RBFOX1: variants seen among roughly 807,000 people sequenced by gnomAD.
RBFOX1 encodes RNA binding protein fox-1 homolog 1.
In RBFOX1, 8 loss-of-function variants were observed where a neutral mutation model predicts 57.7. That is an observed-to-expected ratio of 0.14 (90% CI 0.08 to 0.25). The LOEUF is 0.25. Among genes scored for constraint, RBFOX1 ranks in the 10% least tolerant of loss-of-function variants. The pLI is 1.00. For synonymous variants in RBFOX1, 326 were observed against 222.4 expected (o/e 1.47, Z -4.15); for missense variants, 611 against 548.5 (o/e 1.11, Z -1.14).
chr16:5,758,420 C>T (rs900832484), intron 3 of RBFOX1, among the ~76,000 whole-genome samples: 2 of 152,138 alleles, frequency 1.3e-5, no homozygotes, highest in Non-Finnish European at 2.9e-5. Context: ...ATCTCTTAGA[C>T]TGGGGGAGAA....
intron 2 of RBFOX1, among the ~76,000 whole-genome samples, chr16:5,489,636 A>G (rs763700326): frequency 3.3e-5 from 5 of 152,214 alleles, no homozygotes; most frequent in African/African-American, 1.2e-4. Flanking sequence ...TATTGTTGCT[A>G]TAATTATTAT....
At chr16:5,255,632 C>T (rs1269121123) in intron 1 of RBFOX1, among the ~76,000 whole-genome samples, 1 of 151,700 alleles carries the variant, frequency 6.6e-6, no homozygotes, top group East Asian at 2.0e-4. Context: ...ACTCAACCAT[C>T]CCTTCACCGA....
Position 6,980,064 on chromosome 16 carries a change from C to T in RBFOX1, c.-15-71993C>T, listed in dbSNP as rs116171552. Among the ~76,000 whole-genome samples, 280 of 152,268 alleles carry T rather than the reference C, an allele frequency of 1.8e-3. 2 individuals carry two copies. Among genetic ancestry groups the T allele is most frequent in the African/African-American group, 6.7e-3 (278 of 41,552 alleles). ...GGCTACAGAACTGGATATATAACCG[C>T]ATGGCACCTTGACCCTGGTGTTAGA... is the stretch of plus-strand genomic sequence containing the variant. On this transcript the variant is annotated intron_variant, in intron 3 of 15. Transcript: ENST00000550418.
At chr16:6,253,385 C>T (rs1037323469) in intron 1 of RBFOX1, among the ~76,000 whole-genome samples, 3 of 152,160 alleles carry the variant, frequency 2.0e-5, no homozygotes, top group African/African-American at 7.2e-5. Flanking sequence ...TGCATGAACT[C>T]CTGGGGAACT....
At position 7,434,986 on chromosome 16, in the gene RBFOX1, T is replaced by A. The variant is rs191338469; in HGVS notation, c.28-83161T>A. ...AACTGTTGACCTTCAGTGATCCGCC[T>A]GCCTTGGCCTCCCAAAGTGCTGTCT... On this transcript the variant is annotated intron_variant, in intron 4 of 15. Transcript: ENST00000550418. 3.9e-5 allele frequency among the ~76,000 whole-genome samples: 6 copies of A among 152,336 alleles called. No individual in the cohort carries two copies. In the East Asian group the frequency reaches 1.2e-3, roughly 29 times the overall value.
rs1567209655 is a variant in RBFOX1 at position 6,779,881 on chromosome 16, A to ATATATATTTATATATATTTATATATATT, written c.-16+125267_-16+125294dup. 5.4e-3 allele frequency among the ~76,000 whole-genome samples: 83 copies of ATATATATTTATATATATTTATATATATT among 15,498 alleles called. 13 individuals carry two copies. The highest frequency in any genetic ancestry group is 6.3e-3 in the Non-Finnish European group (63 of 9,940). The allele number at this position is 15,498 out of a possible 152,430, so 10.2% of individuals were successfully genotyped here. ...TATATTTATATATTTATATATATTT[A>ATATATATTTATATATATTTATATATATT]TATATATTTATATATATTTATATAT... On this transcript the variant is annotated intron_variant, in intron 3 of 15. Transcript: ENST00000550418.
At position 7,052,000 on chromosome 16, in the gene RBFOX1, A is replaced by C. The variant is rs2050251725; in HGVS notation, c.-15-57A>C. 2.5e-6 allele frequency: 4 copies of C among 1,588,548 alleles called. No individual in the cohort carries two copies. In the Admixed American group the frequency reaches 5.4e-5, roughly 22 times the overall value. On this transcript the variant is annotated intron_variant, in intron 3 of 15. Coordinates refer to ENST00000550418, the MANE Select transcript of RBFOX1 (RefSeq NM_018723.4). ...TAAAAGTAACTTTCTGTTTTCTTTC[A>C]TGTTTTTCTGATCCGGAGCCTTCTG...
chr16:6,407,904 TC>T (rs1272327156), intron 2 of RBFOX1, among the ~76,000 whole-genome samples: 2 of 152,138 alleles, frequency 1.3e-5, no homozygotes, highest in African/African-American at 2.4e-5. Context: ...TCCCCAGAAT[TC>T]ATATGTTGAA....
At chr16:6,860,291 A>G (rs555654112) in intron 3 of RBFOX1, among the ~76,000 whole-genome samples, 1 of 152,214 alleles carries the variant, frequency 6.6e-6, no homozygotes, top group African/African-American at 2.4e-5. Flanking sequence ...TTAATGTCTG[A>G]TGACTAAATG....
chr16:7,172,725 C>T (rs748227393), intron 4 of RBFOX1, among the ~76,000 whole-genome samples: 1 of 152,162 alleles, frequency 6.6e-6, no homozygotes, highest in Non-Finnish European at 1.5e-5. Context: ...GATGAGTTCA[C>T]CTACATGGGG....
intron 10 of RBFOX1, chr16:7,614,745 C>T (rs1363977302): frequency 1.3e-5 from 2 of 152,150 alleles, no homozygotes; most frequent in Non-Finnish European, 2.9e-5. Flanking sequence ...TCAACAACAG[C>T]AAGCCACTTG....
intron 3 of RBFOX1, among the ~76,000 whole-genome samples, chr16:5,729,158 A>T (rs1314215204): frequency 6.6e-6 from 1 of 152,188 alleles, no homozygotes; most frequent in Non-Finnish European, 1.5e-5. Flanking sequence ...TAATTCTGTC[A>T]CTTACAAACT....
chr16:6,932,755 A>T (rs908209337), intron 3 of RBFOX1, among the ~76,000 whole-genome samples: 1 of 152,170 alleles, frequency 6.6e-6, no homozygotes, highest in Non-Finnish European at 1.5e-5. Context: ...TACAATGTAA[A>T]ATTTACCATT....
chr16:5,381,584 C>G (rs779069180), intron 1 of RBFOX1, among the ~76,000 whole-genome samples: 8 of 152,208 alleles, frequency 5.3e-5, no homozygotes, highest in Admixed American at 1.3e-4. Flanking sequence ...GGGCTCGAGC[C>G]TGCATCCCTT....
At chr16:7,675,618 A>T (rs1417130673) in intron 13 of RBFOX1, among the ~76,000 whole-genome samples, 1 of 152,200 alleles carries the variant, frequency 6.6e-6, no homozygotes, top group Non-Finnish European at 1.5e-5. Flanking sequence ...TACATCTTGA[A>T]AGAGGCTTTT....
At chr16:6,258,304 T>C (rs2097681122) in intron 1 of RBFOX1, among the ~76,000 whole-genome samples, 2 of 151,998 alleles carry the variant, frequency 1.3e-5, no homozygotes, top group African/African-American at 2.4e-5. Flanking sequence ...TGCTTGAAGC[T>C]ACAATGACAG....
intron 3 of RBFOX1, among the ~76,000 whole-genome samples, chr16:6,991,188 C>A (rs554682005): frequency 6.7e-6 from 1 of 148,210 alleles, no homozygotes; most frequent in East Asian, 2.0e-4. Context: ...ACCTTTAGTT[C>A]CAGTTACAGA....
chr16:6,120,376 C>T (rs2152630621), intron 1 of RBFOX1, among the ~76,000 whole-genome samples: 1 of 152,320 alleles, frequency 6.6e-6, no homozygotes, highest in Middle Eastern at 3.4e-3. Flanking sequence ...GCAGCCACCC[C>T]ATTTTACATT....
Position 7,374,438 on chromosome 16 carries a change from A to C in RBFOX1, c.28-143709A>C, listed in dbSNP as rs567044475. On this transcript the variant is annotated intron_variant, in intron 4 of 15. Coordinates refer to ENST00000550418, the MANE Select transcript of RBFOX1 (RefSeq NM_018723.4). ...CTGGATTATTCTGCTCAGTTGAATA[A>C]TTCATTAGGGCTTGAGTTCCAAGAT... is the stretch of plus-strand genomic sequence containing the variant. Among the ~76,000 whole-genome samples, 27 of 152,268 alleles carry C rather than the reference A, an allele frequency of 1.8e-4. 2 individuals carry two copies. The South Asian group carries it at 5.6e-3, about 32-fold the overall frequency.
Sources: allele counts gnomAD v4.1 joint callset (sites outside exome capture counted in the v4.1 genomes callset), GRCh38; gene constraint gnomAD v4.1.1; transcripts MANE v1.5; gene names NCBI Gene and HGNC (gene_info 2026-07-23, HGNC 2026-07-21).